The following ZNF462 variants were observed in gnomAD, a reference collection of about 807,000 sequenced individuals.
ZNF462 encodes the protein zinc finger protein 462.
A neutral mutation model predicts 201.9 loss-of-function variants in ZNF462; 10 were observed. The ratio of observed to expected loss-of-function variants is 0.05; its 90% CI spans 0.03 to 0.08. The LOEUF (loss-of-function observed/expected upper bound fraction) is 0.08, where lower values mean the gene tolerates loss of function less well. Ranked by LOEUF, ZNF462 falls within the 10% of genes least tolerant of loss-of-function variation. The pLI is 1.00. For synonymous variants in ZNF462, 1,227 were observed against 1,193.3 expected (o/e 1.03, Z -0.58); for missense variants, 2,523 against 3,168.3 (o/e 0.80, Z 4.89).
rs1285341797 is a variant in ZNF462 at position 106,890,008 on chromosome 9, A to G, written c.-31+26653A>G. 1.3e-5 allele frequency among the ~76,000 whole-genome samples: 2 copies of G among 152,228 alleles called. No individual in the cohort carries two copies. The highest frequency in any genetic ancestry group is 2.9e-5 in the Non-Finnish European group (2 of 68,034). On this transcript the variant is annotated intron_variant, in intron 1 of 12. Coordinates refer to ENST00000277225, the MANE Select transcript of ZNF462 (RefSeq NM_021224.6). The surrounding 1 kb of genome is among the most constrained non-coding windows in gnomAD (Gnocchi z 4.2). ...TTGATACTTACACATATCCAGGCCA[A>G]CTAATAGGTGTGACCATTTCTTTGT...
intron 1 of ZNF462, among the ~76,000 whole-genome samples, chr9:106,868,391 A>C (rs1271965404): frequency 6.6e-6 from 1 of 152,210 alleles, no homozygotes; most frequent in East Asian, 1.9e-4. Context: ...CAAAAATAAG[A>C]AAGAAAGGAA....
At chr9:106,900,202 TCGTGTGTGTGTGTG>T (rs1828998515) in intron 1 of ZNF462, among the ~76,000 whole-genome samples, 1 of 126,404 alleles carries the variant, frequency 7.9e-6, no homozygotes, top group Admixed American at 8.5e-5. Flanking sequence ...TAGTATTCCA[TCGTGTGTGTGTGTG>T]TGTGTGTGTG....
chr9:106,928,933 G>T lies in ZNF462; in HGVS notation c.5021G>T (p.Gly1674Val). ...AAGTACTTCTGCTCCACGAGGAAGG[G>T]GATCGCCAGGCACTACCGCATCAAG... ...LCKYFCSTRKGIARHYRIKHN... is the reference protein window; with the variant it reads ...LCKYFCSTRKVIARHYRIKHN... Residue 1674 changes from glycine to valine, a missense_variant, in exon 3 of 13, where the codon GGG (glycine) becomes GTG (valine). This residue lies in a region of ZNF462 where 200 missense variants were observed against 281.3 expected (regional missense o/e 0.71). Transcript: ENST00000277225. This position sits in a 1 kb window ranked among gnomAD's most constrained non-coding sequence, Gnocchi z 9.3. 6.2e-7 allele frequency: 1 copy of T among 1,614,058 alleles called. No individual in the cohort carries two copies. Among genetic ancestry groups the T allele is most frequent in the Non-Finnish European group, 8.5e-7 (1 of 1,180,012 alleles).
At chr9:106,871,004 G>A (rs1183197732) in intron 1 of ZNF462, among the ~76,000 whole-genome samples, 2 of 152,170 alleles carry the variant, frequency 1.3e-5, no homozygotes, top group Admixed American at 1.3e-4. Flanking sequence ...AATGCCAGAG[G>A]CTGGGGGGTG....
Position 106,926,128 on chromosome 9 carries a change from A to G in ZNF462, c.2216A>G (p.Asp739Gly). 1 of 1,614,240 alleles carries G rather than the reference A, an allele frequency of 6.2e-7. No homozygotes were observed. The highest frequency in any genetic ancestry group is 8.5e-7 in the Non-Finnish European group (1 of 1,180,042). The change falls in exon 3 of 13, where the codon GAC (aspartate) becomes GGC (glycine). Residue 739 changes from aspartate (D) to glycine (G), a missense_variant. Physicochemically the swap from Asp to Gly is moderately conservative, Grantham distance 94 (BLOSUM62 -1). Coordinates refer to ENST00000277225, the MANE Select transcript of ZNF462 (RefSeq NM_021224.6). This position sits in a 1 kb window ranked among gnomAD's most constrained non-coding sequence, Gnocchi z 7.9. ...GAAGTCGAGATAGAGGTTGAGTTGGACAGGGAGGAAGAACCGACAGAACCC... is the reference window on the plus strand; with the variant it reads ...GAAGTCGAGATAGAGGTTGAGTTGGGCAGGGAGGAAGAACCGACAGAACCC... ...DNEVEIEVEL[D>G]REEEPTEPII...
chr9:107,010,189 A>G lies in ZNF462; in HGVS notation c.7313+521A>G, dbSNP rs1429651241. On this transcript the variant is annotated intron_variant, in intron 12 of 12. Coordinates refer to ENST00000277225, the MANE Select transcript of ZNF462 (RefSeq NM_021224.6). This position sits in a 1 kb window ranked among gnomAD's most constrained non-coding sequence, Gnocchi z 4.6. Reference sequence around the variant, plus strand: ...GCCCCTCAACAAGGCACGTTAGTCCACCAGATGCAGAGAGAACCTAGGATG... The same window carrying G: ...GCCCCTCAACAAGGCACGTTAGTCCGCCAGATGCAGAGAGAACCTAGGATG... 1.3e-5 allele frequency among the ~76,000 whole-genome samples: 2 copies of G among 152,160 alleles called. No homozygotes were observed. The highest frequency in any genetic ancestry group is 2.9e-5 in the Non-Finnish European group (2 of 68,030).
chr9:106,961,593 T>C (rs1831842490), intron 7 of ZNF462, among the ~76,000 whole-genome samples: 1 of 152,014 alleles, frequency 6.6e-6, no homozygotes, highest in Non-Finnish European at 1.5e-5. Flanking sequence ...GGCCAGCCAC[T>C]GGACTAAGTT....
chr9:106,873,281 T>C lies in ZNF462; in HGVS notation c.-31+9926T>C, dbSNP rs115912553. Among the ~76,000 whole-genome samples, 505 of 152,200 alleles carry C rather than the reference T, an allele frequency of 3.3e-3. 1 individual carries two copies. The highest frequency in any genetic ancestry group is 0.012 in the African/African-American group (483 of 41,522). Reference sequence around the variant, plus strand: ...TAACTTAAGAGCGCCCTTTTCTGAATTGTAGAGGAGATGATAGGGAAAAAA... The same window carrying C: ...TAACTTAAGAGCGCCCTTTTCTGAACTGTAGAGGAGATGATAGGGAAAAAA... On this transcript the variant is annotated intron_variant, in intron 1 of 12. Transcript: ENST00000277225.
intron 6 of ZNF462, among the ~76,000 whole-genome samples, chr9:106,936,559 A>G (rs1830640770): frequency 2.0e-5 from 3 of 152,202 alleles, no homozygotes; most frequent in Admixed American, 2.0e-4. Context: ...GGAGTAAGGA[A>G]TGGGACAGGG....
At chr9:106,922,288 A>C (rs919537647) in intron 1 of ZNF462, among the ~76,000 whole-genome samples, 1 of 152,240 alleles carries the variant, frequency 6.6e-6, no homozygotes, top group Non-Finnish European at 1.5e-5. Flanking sequence ...CTTAGGATAT[A>C]CATTAAGATA....
Position 106,872,633 on chromosome 9 carries a change from G to A in ZNF462, c.-31+9278G>A, listed in dbSNP as rs547192049. Among the ~76,000 whole-genome samples, 9 of 152,258 alleles carry A rather than the reference G, an allele frequency of 5.9e-5. No individual in the cohort carries two copies. Among genetic ancestry groups the A allele is most frequent in the African/African-American group, 1.7e-4 (7 of 41,548 alleles). ...CTGCCTCGGCCTTCCAAAGTGCTAC[G>A]ACTACAGGCATGAGCCACCATGCCC... On this transcript the variant is annotated intron_variant, in intron 1 of 12. Transcript: ENST00000277225. The surrounding 1 kb of genome is among the most constrained non-coding windows in gnomAD (Gnocchi z 4.5).
chr9:106,891,001 A>G (rs143102421), intron 1 of ZNF462, among the ~76,000 whole-genome samples: 5 of 152,216 alleles, frequency 3.3e-5, no homozygotes, highest in African/African-American at 1.2e-4. Flanking sequence ...TATGGCTAGT[A>G]CAGGAAATCA....
In ZNF462 at chr9:107,011,174, C is replaced by CT; in HGVS notation, c.*145dup. ...GACTGAACAATCTATTTTCAAAGCA[C>CT]TGGTACCTGTGTGAGTGAGTATGTA... On this transcript the variant is annotated 3_prime_UTR_variant, in exon 13 of 13. Coordinates refer to ENST00000277225, the MANE Select transcript of ZNF462 (RefSeq NM_021224.6). The surrounding 1 kb of genome is among the most constrained non-coding windows in gnomAD (Gnocchi z 5.6). 1.4e-6 allele frequency: 1 copy of CT among 700,174 alleles called. No individual in the cohort carries two copies. Among genetic ancestry groups the CT allele is most frequent in the Admixed American group, 2.8e-5 (1 of 35,380 alleles). The allele number at this position is 700,174 out of a possible 1,614,324, so 43.4% of individuals were successfully genotyped here. A position where few individuals can be genotyped will look rare whatever the true frequency, so the allele number is the denominator to read the frequency against.
rs1826668776 is a variant in ZNF462 at position 106,972,387 on chromosome 9, T to A, written c.6695+115T>A. The stretch of plus-strand genomic sequence containing the variant: ...GAGCTTATGGGAGGCCCTGCCCATG[T>A]GATGATGTAGGGGTTGGGTCCAGGC... On this transcript the variant is annotated intron_variant, in intron 8 of 12. Coordinates refer to ENST00000277225, the MANE Select transcript of ZNF462 (RefSeq NM_021224.6). This position sits in a 1 kb window ranked among gnomAD's most constrained non-coding sequence, Gnocchi z 4.8. 1 of 1,434,752 alleles carries A rather than the reference T, an allele frequency of 7.0e-7. No homozygotes were observed. The highest frequency in any genetic ancestry group is 9.4e-7 in the Non-Finnish European group (1 of 1,067,440). The allele number at this position is 1,434,752 out of a possible 1,614,324, so 88.9% of individuals were successfully genotyped here.
At chr9:106,941,312 C>T (rs781488160) in intron 7 of ZNF462, among the ~76,000 whole-genome samples, 2 of 152,128 alleles carry the variant, frequency 1.3e-5, no homozygotes, top group African/African-American at 2.4e-5. Context: ...ATACTATTAG[C>T]GCTTACATTT....
intron 10 of ZNF462, among the ~76,000 whole-genome samples, chr9:106,997,110 T>TC (rs146384082): frequency 0.047 from 7,056 of 151,430 alleles, 381 homozygotes; most frequent in African/African-American, 0.14. Context: ...TTTCTTTCTT[T>TC]CCCCCCCCAG....
At chr9:106,866,078 T>C (rs113489420) in intron 1 of ZNF462, among the ~76,000 whole-genome samples, 2,634 of 152,248 alleles carry the variant, frequency 0.017, 86 homozygotes, top group African/African-American at 0.06. Flanking sequence ...GAATGAAAAC[T>C]TGGAGGAGAT....
chr9:106,872,125 A>G lies in ZNF462; in HGVS notation c.-31+8770A>G, dbSNP rs574319357. ...CTGTGTTATGACTAATTAGTCAGCA[A>G]TTGAGCACCAATCATTCAACCCAGA... On this transcript the variant is annotated intron_variant, in intron 1 of 12. Coordinates refer to ENST00000277225, the MANE Select transcript of ZNF462 (RefSeq NM_021224.6). The surrounding 1 kb of genome is among the most constrained non-coding windows in gnomAD (Gnocchi z 4.5). Among the ~76,000 whole-genome samples, 1 of 152,116 alleles carries G rather than the reference A, an allele frequency of 6.6e-6. No homozygotes were observed. Among genetic ancestry groups the G allele is most frequent in the African/African-American group, 2.4e-5 (1 of 41,422 alleles).
chr9:106,869,265 T>C (rs1386139791), intron 1 of ZNF462, among the ~76,000 whole-genome samples: 1 of 152,226 alleles, frequency 6.6e-6, no homozygotes, highest in African/African-American at 2.4e-5. Context: ...GGTTTTCCAA[T>C]GTTCTTACTC....
Sources: allele counts gnomAD v4.1 joint callset (sites outside exome capture counted in the v4.1 genomes callset), GRCh38; gene constraint gnomAD v4.1.1; regional missense constraint gnomAD v4.1.1; non-coding constraint Gnocchi (gnomAD v3.1); transcripts MANE v1.5; gene names NCBI Gene and HGNC (gene_info 2026-07-23, HGNC 2026-07-21).